KIF26B: variants seen among roughly 807,000 people sequenced by gnomAD.
KIF26B encodes kinesin-like protein KIF26B.
KIF26B carries 63 observed loss-of-function variants against 151.2 expected under a neutral mutation model. The ratio of observed to expected loss-of-function variants is 0.42; its 90% CI spans 0.34 to 0.51. The LOEUF (loss-of-function observed/expected upper bound fraction) is 0.51. KIF26B is among the 20% of genes least tolerant of loss of function. The pLI is 0.07. For synonymous variants in KIF26B, 1,357 were observed against 1,262.1 expected, an observed-to-expected ratio of 1.08 and a Z score of -1.59; for missense variants, 2,813 against 2,913.6, an observed-to-expected ratio of 0.97 and a Z score of 0.79.
chr1:245,610,753 GA>G (rs1472297352), intron 8 of KIF26B, among the ~76,000 whole-genome samples: 4 of 152,212 alleles, frequency 2.6e-5, no homozygotes, highest in African/African-American at 9.6e-5. Context: ...AATTCTTGTT[GA>G]AAAATCTTTT....
rs559086954 is a variant in KIF26B at position 245,522,164 on chromosome 1, C to T, written c.1167-18603C>T. On this transcript the variant is annotated intron_variant, in intron 4 of 14. Coordinates refer to ENST00000407071, the MANE Select transcript of KIF26B (RefSeq NM_018012.4). The stretch of plus-strand genomic sequence containing the variant: ...GATTACAGGTGTGAGCCACCGCGCC[C>T]GGCCTGGTCCATTTTTCATCTTGAC... Among the ~76,000 whole-genome samples the T allele has an allele frequency of 1.1e-3, 169 of 152,254 alleles. 2 individuals carry two copies. Among genetic ancestry groups the T allele is most frequent in the African/African-American group, 3.8e-3 (158 of 41,554 alleles).
intron 2 of KIF26B, among the ~76,000 whole-genome samples, chr1:245,317,699 G>C (rs894138899): frequency 6.6e-6 from 1 of 152,110 alleles, no homozygotes; most frequent in Non-Finnish European, 1.5e-5. Context: ...TCACATTTCC[G>C]GTCCCTCTCC....
chr1:245,405,106 C>T (rs1021203403), intron 3 of KIF26B, among the ~76,000 whole-genome samples: 4 of 152,220 alleles, frequency 2.6e-5, no homozygotes, highest in Non-Finnish European at 5.9e-5. Context: ...GATGCAAAGT[C>T]TGTCATGGGT....
At chr1:245,188,862 G>T (rs537280746) in intron 2 of KIF26B, among the ~76,000 whole-genome samples, 1 of 152,290 alleles carries the variant, frequency 6.6e-6, no homozygotes, top group African/African-American at 2.4e-5. Flanking sequence ...ATTTACAATG[G>T]AATATTGTTC....
At chr1:245,536,732 A>G (rs983963549) in intron 4 of KIF26B, among the ~76,000 whole-genome samples, 3 of 152,172 alleles carry the variant, frequency 2.0e-5, no homozygotes, top group African/African-American at 7.2e-5. Flanking sequence ...GAAGGATGGC[A>G]TCTGGAATCC....
At chr1:245,407,316 T>C (rs948667766) in intron 3 of KIF26B, among the ~76,000 whole-genome samples, 3 of 152,176 alleles carry the variant, frequency 2.0e-5, no homozygotes, top group Non-Finnish European at 4.4e-5. Flanking sequence ...TGCCCCATAT[T>C]CCAGAGAATT....
intron 2 of KIF26B, among the ~76,000 whole-genome samples, chr1:245,342,305 G>A (rs1356467407): frequency 2.0e-5 from 3 of 152,168 alleles, no homozygotes; most frequent in Admixed American, 6.5e-5. Flanking sequence ...GAAGTGAGCC[G>A]CGTGGTTTTC....
At chr1:245,701,124 T>A (rs2044765676) in intron 14 of KIF26B, among the ~76,000 whole-genome samples, 1 of 152,228 alleles carries the variant, frequency 6.6e-6, no homozygotes, top group African/African-American at 2.4e-5. Context: ...TGCTTCCTTC[T>A]AGTCTTTGTA....
At chr1:245,629,205 C>T (rs1260627153) in intron 9 of KIF26B, among the ~76,000 whole-genome samples, 1 of 152,042 alleles carries the variant, frequency 6.6e-6, no homozygotes, top group Non-Finnish European at 1.5e-5. Context: ...CTATTCCCAT[C>T]AAACTACACT....
In KIF26B at chr1:245,339,004, G is replaced by A. The variant is rs141837002; in HGVS notation, c.466-27830G>A. On this transcript the variant is annotated intron_variant, in intron 2 of 14. Coordinates refer to ENST00000407071, the MANE Select transcript of KIF26B (RefSeq NM_018012.4). The stretch of plus-strand genomic sequence containing the variant: ...TTAGGGTTTTTTTTTTTTTTGAGAC[G>A]TAATCTCGCTCTGTCCAGGTTGGAG... Among the ~76,000 whole-genome samples, 1,039 of 147,558 alleles carry A rather than the reference G, an allele frequency of 7.0e-3. 17 individuals are homozygous for A. The highest frequency in any genetic ancestry group is 0.025 in the African/African-American group (989 of 39,552).
At chr1:245,608,006 A>G (rs2043475589) in intron 7 of KIF26B, among the ~76,000 whole-genome samples, 2 of 152,230 alleles carry the variant, frequency 1.3e-5, no homozygotes, top group Non-Finnish European at 1.5e-5. Context: ...TCCAGGTCAG[A>G]GTCAAGCCCA....
At chr1:245,246,949 A>G (rs1379009149) in intron 2 of KIF26B, among the ~76,000 whole-genome samples, 1 of 126,942 alleles carries the variant, frequency 7.9e-6, no homozygotes, top group African/African-American at 2.6e-5. Context: ...AGATACAGAC[A>G]CACACACACA....
At position 245,659,510 on chromosome 1, in the gene KIF26B, A is replaced by G. The variant is rs144584382; in HGVS notation, c.2258+13230A>G. Among the ~76,000 whole-genome samples, 53 of 152,342 alleles carry G rather than the reference A, an allele frequency of 3.5e-4. No homozygotes were observed. In the East Asian group the frequency reaches 0.01, roughly 29 times the overall value. On this transcript the variant is annotated intron_variant, in intron 10 of 14. Coordinates refer to ENST00000407071, the MANE Select transcript of KIF26B (RefSeq NM_018012.4). ...TAGGATGAGAAGAGGCACTGAAGCT[A>G]TAACCCTATTTTCTGAGCCAGATAA... is the stretch of plus-strand genomic sequence containing the variant.
chr1:245,158,558 C>G (rs1456022465), intron 2 of KIF26B, among the ~76,000 whole-genome samples: 1 of 152,212 alleles, frequency 6.6e-6, no homozygotes, highest in Admixed American at 6.5e-5. Flanking sequence ...CCCCCATGCT[C>G]TACAATGACT....
At chr1:245,613,795 T>C (rs1012162677) in intron 9 of KIF26B, among the ~76,000 whole-genome samples, 1 of 152,206 alleles carries the variant, frequency 6.6e-6, no homozygotes, top group Non-Finnish European at 1.5e-5. Flanking sequence ...CTTTAGTTAC[T>C]GTTGTTAAAA....
intron 3 of KIF26B, among the ~76,000 whole-genome samples, chr1:245,419,347 A>G (rs1270956856): frequency 1.3e-5 from 2 of 152,166 alleles, no homozygotes; most frequent in Non-Finnish European, 2.9e-5. Context: ...GAAACTTACA[A>G]TGTCGGGGGA....
intron 12 of KIF26B, 25 bp downstream of exon 12, chr1:245,688,832 G>GGCT: frequency 1.3e-6 from 2 of 1,540,088 alleles, no homozygotes; most frequent in Non-Finnish European, 1.8e-6. Flanking sequence ...GCAGGGACGC[G>GGCT]GGTGAGGAGG....
rs1308615384 is a variant in KIF26B at position 245,702,730 on chromosome 1, C to T, written c.*124C>T. On this transcript the variant is annotated 3_prime_UTR_variant, in exon 15 of 15. Coordinates refer to ENST00000407071, the MANE Select transcript of KIF26B (RefSeq NM_018012.4). The surrounding 1 kb of genome is among the most constrained non-coding windows in gnomAD (Gnocchi z 4.1). ...ATGAGGATGAAGGTTGGTGGCAAGT[C>T]TGGAGCGGGCGTTGAGCGGAAGGCG... 3 of 1,123,492 alleles carry T rather than the reference C, an allele frequency of 2.7e-6. No homozygotes were observed. Among genetic ancestry groups the T allele is most frequent in the South Asian group, 3.9e-5 (2 of 51,486 alleles). The allele number at this position is 1,123,492 out of a possible 1,614,324, so 69.6% of individuals were successfully genotyped here.
At chr1:245,345,369 C>T (rs561760551) in intron 2 of KIF26B, among the ~76,000 whole-genome samples, 2 of 152,304 alleles carry the variant, frequency 1.3e-5, no homozygotes, top group Admixed American at 1.3e-4. Flanking sequence ...CACCTCGAGC[C>T]TTGCGTCTCT....
Sources: allele counts gnomAD v4.1 joint callset (sites outside exome capture counted in the v4.1 genomes callset), GRCh38; gene constraint gnomAD v4.1.1; non-coding constraint Gnocchi (gnomAD v3.1); transcripts MANE v1.5; gene names NCBI Gene and HGNC (gene_info 2026-07-23, HGNC 2026-07-21).